LRBA: variants seen among roughly 807,000 people sequenced by gnomAD.
The protein encoded by LRBA is LPS responsive beige-like anchor protein.
A neutral mutation model predicts 330.0 loss-of-function variants in LRBA; 176 were observed. That is an observed-to-expected ratio of 0.53 (90% CI 0.47 to 0.60). The LOEUF (loss-of-function observed/expected upper bound fraction) is 0.60, where lower values mean the gene tolerates loss of function less well. Ranked by LOEUF, LRBA falls within the 20% of genes least tolerant of loss-of-function variation. The pLI, the probability that LRBA is intolerant of heterozygous loss-of-function variation, is 0.00. For missense variants in LRBA, 3,259 were observed against 3,444.8 expected (o/e 0.95, Z 1.35); for synonymous variants, 1,230 against 1,193.0 (o/e 1.03, Z -0.64).
chr4:150,581,333 A>G (rs143139248), intron 40 of LRBA: 45 of 450,708 alleles, frequency 1.0e-4, no homozygotes, highest in African/African-American at 7.2e-4. Context: ...ATCCACTCCA[A>G]CCCTCACTGG....
In LRBA at chr4:150,302,710, G is replaced by C. The variant is rs1357191628; in HGVS notation, c.7932C>G (p.Cys2644Trp). The C allele has an allele frequency of 3.1e-6, 5 of 1,612,868 alleles. No homozygotes were observed. Among genetic ancestry groups the C allele is most frequent in the African/African-American group, 1.3e-5 (1 of 74,888 alleles). Residue 2644 changes from cysteine to tryptophan, a missense_variant, in exon 53 of 57, where the codon TGC becomes TGG. Physicochemically the swap from Cys to Trp is radical, Grantham distance 215. Coordinates refer to ENST00000651943, the MANE Select transcript of LRBA (RefSeq NM_001364905.1). ...CATCACGTGACCCTGAGAGAATGTA[G>C]CAATTTCCCCCAATATATGACTCAG... ...ARSESYIGGN[C>W]YILSGSRDAT... is the part of the protein sequence containing the mutation.
chr4:150,299,091 T>A (rs781749638), intron 53 of LRBA, among the ~76,000 whole-genome samples: 1 of 152,012 alleles, frequency 6.6e-6, no homozygotes, highest in African/African-American at 2.4e-5. Context: ...TTCTCCAAAA[T>A]TTAAAAATGT....
intron 11 of LRBA, 48 bp from the exon 12 acceptor site, chr4:150,906,453 T>A: frequency 9.1e-7 from 1 of 1,093,832 alleles, no homozygotes; most frequent in Non-Finnish European, 1.4e-6. Context: ...ATTCTATTTT[T>A]TTTAAATTAG....
At chr4:150,359,552 T>C (rs12645215) in intron 47 of LRBA, among the ~76,000 whole-genome samples, 38,017 of 152,128 alleles carry the variant, frequency 0.25, 4,844 homozygotes, top group East Asian at 0.34. Context: ...AGAAATTGTT[T>C]ACATGGTAGA....
chr4:150,441,749 A>C (rs1751868298), intron 44 of LRBA, among the ~76,000 whole-genome samples: 1 of 152,038 alleles, frequency 6.6e-6, no homozygotes, highest in African/African-American at 2.4e-5. Flanking sequence ...ACTCAAACCT[A>C]GTACTCAAAA....
At chr4:150,690,170 T>C (rs562599611) in intron 36 of LRBA, among the ~76,000 whole-genome samples, 1 of 152,046 alleles carries the variant, frequency 6.6e-6, no homozygotes, top group Non-Finnish European at 1.5e-5. Flanking sequence ...TTTTTAGCAA[T>C]TTTTATAAAA....
intron 40 of LRBA, among the ~76,000 whole-genome samples, chr4:150,559,901 A>C (rs1768053750): frequency 2.9e-5 from 2 of 69,474 alleles, no homozygotes; most frequent in African/African-American, 5.7e-5. Context: ...ATAATTATAT[A>C]TAATTATATA....
intron 48 of LRBA, among the ~76,000 whole-genome samples, chr4:150,331,410 G>A (rs929283870): frequency 6.6e-6 from 1 of 152,014 alleles, no homozygotes; most frequent in Non-Finnish European, 1.5e-5. Flanking sequence ...AGAGAGTTTT[G>A]GTGCTAGGTG....
At chr4:150,915,855 T>A in intron 7 of LRBA, 128 bp from the exon 8 acceptor site, 2 of 578,546 alleles carry the variant, frequency 3.5e-6, no homozygotes, top group Non-Finnish European at 5.4e-6. Context: ...CTACCTTTGT[T>A]AAATTCAATA....
rs536895421 is a variant in LRBA, at chr4:150,418,961, AT to A, written c.7042-3372del. Among the ~76,000 whole-genome samples, 43 of 149,852 alleles carry A rather than the reference AT, an allele frequency of 2.9e-4. No individual in the cohort carries two copies. The East Asian group carries it at 3.5e-3, about 12-fold the overall frequency. ...CAAGTTCTCAAAATCTACAGTCAGC[AT>A]TTTTTTTTTCCCCAGCCTGGGGGAA... On this transcript the variant is annotated intron_variant, in intron 46 of 56. Coordinates refer to ENST00000651943, the MANE Select transcript of LRBA (RefSeq NM_001364905.1).
intron 47 of LRBA, among the ~76,000 whole-genome samples, chr4:150,380,101 C>T (rs978019749): frequency 6.6e-6 from 1 of 151,160 alleles, no homozygotes; most frequent in Non-Finnish European, 1.5e-5. Context: ...ATCACTTGAA[C>T]CCAGGAGGCA....
chr4:150,508,249 G>GT (rs1190940032), intron 40 of LRBA, among the ~76,000 whole-genome samples: 4 of 136,150 alleles, frequency 2.9e-5, no homozygotes, highest in Non-Finnish European at 4.7e-5. Flanking sequence ...AAGGGGGGGG[G>GT]GGGGAGAAAA....
intron 42 of LRBA, 30 bp downstream of exon 42, chr4:150,487,702 T>G (rs1247616560): frequency 7.5e-7 from 1 of 1,330,946 alleles, no homozygotes; most frequent in Admixed American, 1.7e-5. Context: ...GACACTTTAC[T>G]TTCCCTAAGT....
intron 28 of LRBA, among the ~76,000 whole-genome samples, chr4:150,833,711 T>C (rs1157585589): frequency 6.6e-6 from 1 of 152,196 alleles, no homozygotes; most frequent in Non-Finnish European, 1.5e-5. Context: ...TTCATGGATG[T>C]CGACTGATGG....
At chr4:150,809,864 C>T (rs1009290312) in intron 31 of LRBA, among the ~76,000 whole-genome samples, 10 of 39,704 alleles carry the variant, frequency 2.5e-4, no homozygotes, top group African/African-American at 1.1e-3. Context: ...CGATACGATA[C>T]GATACGATAC....
At chr4:150,338,922 T>C (rs1356577012) in intron 48 of LRBA, among the ~76,000 whole-genome samples, 1 of 151,800 alleles carries the variant, frequency 6.6e-6, no homozygotes, top group Non-Finnish European at 1.5e-5. Context: ...ATGTATTGCT[T>C]TGATAAATAC....
At chr4:150,271,404 G>A (rs1222774939) in intron 56 of LRBA, among the ~76,000 whole-genome samples, 1 of 151,878 alleles carries the variant, frequency 6.6e-6, no homozygotes, top group Non-Finnish European at 1.5e-5. Context: ...AAGCCAGGGA[G>A]CCAAGTGGTC....
At chr4:150,926,866 T>C (rs1221123958) in intron 4 of LRBA, among the ~76,000 whole-genome samples, 6 of 142,670 alleles carry the variant, frequency 4.2e-5, no homozygotes, top group African/African-American at 1.6e-4. Context: ...AGGTCAGGAG[T>C]TCGAGACCAT....
chr4:150,723,741 G>C (rs1436491133), intron 36 of LRBA, among the ~76,000 whole-genome samples: 1 of 152,226 alleles, frequency 6.6e-6, no homozygotes, highest in East Asian at 1.9e-4. Context: ...TGGGGGTAGA[G>C]CAATAAGCTG....
Sources: allele counts gnomAD v4.1 joint callset (sites outside exome capture counted in the v4.1 genomes callset), GRCh38; gene constraint gnomAD v4.1.1; transcripts MANE v1.5; gene names NCBI Gene and HGNC (gene_info 2026-07-23, HGNC 2026-07-21).